Variants in MTG2 observed in about 807,000 individuals in gnomAD.
MTG2 encodes the protein mitochondrial ribosome associated GTPase 2, also known as mitochondrial ribosome-associated GTPase 2.
MTG2 carries 23 observed loss-of-function variants against 28.6 expected under a neutral mutation model. The ratio of observed to expected loss-of-function variants is 0.80; its 90% CI spans 0.58 to 1.14. The LOEUF (loss-of-function observed/expected upper bound fraction) is 1.14. Among genes scored for constraint, MTG2 ranks in the 50% most tolerant of loss-of-function variants. The pLI, the probability that MTG2 is intolerant of heterozygous loss-of-function variation, is 0.00. For synonymous variants in MTG2, 260 were observed against 251.8 expected (o/e 1.03, Z -0.31); for missense variants, 539 against 552.0 (o/e 0.98, Z 0.24).
intron 2 of MTG2, chr20:62,194,203 C>T (rs2058017084): frequency 6.6e-6 from 1 of 152,084 alleles, no homozygotes; most frequent in Non-Finnish European, 1.5e-5. Context: ...TTACCAAAAC[C>T]TCCTATTTAA....
intron 2 of MTG2, among the ~76,000 whole-genome samples, chr20:62,195,158 T>G (rs1310367626): frequency 6.6e-6 from 1 of 152,168 alleles, no homozygotes; most frequent in Non-Finnish European, 1.5e-5. Context: ...ATCCCACCGT[T>G]GCACTCCAGC....
intron 2 of MTG2, among the ~76,000 whole-genome samples, chr20:62,194,596 G>C (rs6062134): frequency 0.11 from 16,742 of 151,888 alleles, 981 homozygotes; most frequent in African/African-American, 0.13. Flanking sequence ...ATTTTTTTTT[G>C]TGTTTAAATT....
At position 62,198,637 on chromosome 20, in the gene MTG2, C is replaced by A. The variant is rs1229665081; in HGVS notation, c.472C>A (p.Pro158Thr). 6.2e-7 allele frequency: 1 copy of A among 1,613,488 alleles called. No individual in the cohort carries two copies. The highest frequency in any genetic ancestry group is 1.7e-5 in the Admixed American group (1 of 59,964). The change falls in exon 5 of 7, where the codon CCC (proline) becomes ACC (threonine). Residue 158 changes from proline (P) to threonine (T), a missense_variant. By Grantham distance (38) the Pro-to-Thr change is conservative (BLOSUM62 -1). Coordinates refer to ENST00000370823, the MANE Select transcript of MTG2 (RefSeq NM_015666.4). ...ATGAGTGCCTGCTGTTCCCCAGGTC[C>A]CCGTGGGCACGCTGGTGAAGGAGGG... ...RSGAVLYIRVPVGTLVKEGGR... is the reference protein window; with the variant it reads ...RSGAVLYIRVTVGTLVKEGGR...
intron 2 of MTG2, among the ~76,000 whole-genome samples, chr20:62,195,203 A>C (rs553818074): frequency 2.6e-5 from 4 of 152,274 alleles, no homozygotes; most frequent in East Asian, 3.9e-4. Context: ...CTCAAAAAAA[A>C]CCACAAAAAA....
rs146666461 is a variant in MTG2 at position 62,200,883 on chromosome 20, G to A, written c.1027G>A (p.Val343Ile). The part of the protein sequence containing the change: ...KGLSARPHAI[V>I]ANKIDLPEAQ... ...CCTGTCTGCGAGGCCCCACGCAATCGTCGCAAACAAGATTGACCTCCCTGA... is the reference window on the plus strand; with the variant it reads ...CCTGTCTGCGAGGCCCCACGCAATCATCGCAAACAAGATTGACCTCCCTGA... Residue 343 changes from valine to isoleucine, a missense_variant, in exon 7 of 7, where the codon GTC becomes ATC. Val to Ile is a conservative substitution (Grantham distance 29). Transcript: ENST00000370823. 33 of 1,613,884 alleles carry A rather than the reference G, an allele frequency of 2.0e-5. No homozygotes were observed. The highest frequency in any genetic ancestry group is 3.3e-4 in the Middle Eastern group (2 of 6,084).
intron 3 of MTG2, among the ~76,000 whole-genome samples, chr20:62,196,571 G>A (rs531823860): frequency 6.6e-6 from 1 of 151,978 alleles, no homozygotes; most frequent in Admixed American, 6.6e-5. Context: ...ACTTGGGGCT[G>A]AAGCAGGAGG....
chr20:62,200,809 G>T lies in MTG2; in HGVS notation c.953G>T (p.Trp318Leu). The change falls in exon 7 of 7, where the codon TGG becomes TTG. Residue 318 changes from tryptophan to leucine, a missense_variant. Physicochemically the swap from Trp to Leu is moderately conservative, Grantham distance 61. Transcript: ENST00000370823. ...GTGGATCTTTCTCAGCCTGAGCCGT[G>T]GACTCAAGTTGACGATTTAAAATAT... ...FVVDLSQPEP[W>L]TQVDDLKYEL... is the part of the protein sequence containing the mutation. 3 of 1,613,916 alleles carry T rather than the reference G, an allele frequency of 1.9e-6. No homozygotes were observed. Among genetic ancestry groups the T allele is most frequent in the Non-Finnish European group, 1.7e-6 (2 of 1,180,038 alleles).
chr20:62,190,289 A>G (rs2057930774), intron 1 of MTG2, among the ~76,000 whole-genome samples: 1 of 152,150 alleles, frequency 6.6e-6, no homozygotes, highest in South Asian at 2.1e-4. Flanking sequence ...GTTGCCTTTC[A>G]TGTGGATTAC....
In MTG2 at chr20:62,199,241, C is replaced by T. The variant is rs796946456; in HGVS notation, c.810C>T (p.Gly270=). The T allele has an allele frequency of 1.2e-6, 2 of 1,613,378 alleles. No homozygotes were observed. Among genetic ancestry groups the T allele is most frequent in the Non-Finnish European group, 1.7e-6 (2 of 1,179,382 alleles). Residue 270 remains glycine (G), a synonymous_variant, in exon 6 of 7, where the codon GGC becomes GGT. Coordinates refer to ENST00000370823, the MANE Select transcript of MTG2 (RefSeq NM_015666.4). The part of the protein sequence containing the change: ...KPHVGIVHYE[G]HLQIAVADIP... ...ACGTCGGGATCGTCCACTACGAAGG[C>T]CACCTACAAATAGCAGGTAGAACTT...
rs1568796076 is a variant in MTG2, at chr20:62,202,458, C to G, written c.*1381C>G. 1 of 142,400 alleles carries G rather than the reference C, an allele frequency of 7.0e-6. No individual in the cohort carries two copies. The highest frequency in any genetic ancestry group is 2.6e-5 in the African/African-American group (1 of 37,914). 8.8% of individuals were successfully genotyped at this position (142,400 alleles called of 1,614,324 possible). ...CTCAAAAAACAAACAAACAAACAAA[C>G]AAAAACAGAACATTCTGGGCACGGT... On this transcript the variant is annotated 3_prime_UTR_variant, in exon 7 of 7. Coordinates refer to ENST00000370823, the MANE Select transcript of MTG2 (RefSeq NM_015666.4).
intron 1 of MTG2, among the ~76,000 whole-genome samples, chr20:62,191,831 C>T (rs1294307546): frequency 6.6e-6 from 1 of 152,196 alleles, no homozygotes; most frequent in East Asian, 1.9e-4. Flanking sequence ...GGGCTGTCCT[C>T]TCCTGGAGGG....
At chr20:62,185,871 C>T (rs2057832856) in intron 1 of MTG2, among the ~76,000 whole-genome samples, 1 of 152,176 alleles carries the variant, frequency 6.6e-6, no homozygotes, top group African/African-American at 2.4e-5. Flanking sequence ...AGCGTGAAAA[C>T]AGTGGGATTT....
Position 62,187,445 on chromosome 20 carries a change from C to T in MTG2, c.-6+4388C>T, listed in dbSNP as rs542521194. 7.2e-5 allele frequency among the ~76,000 whole-genome samples: 11 copies of T among 152,226 alleles called. No homozygotes were observed. The East Asian group carries it at 1.9e-3, about 27-fold the overall frequency. ...TCCTGGAATGTTACATGGAATTTAC[C>T]AGGAAAACAAGCCGAGCTAGAGTTT... On this transcript the variant is annotated intron_variant, in intron 1 of 6. Coordinates refer to ENST00000370823, the MANE Select transcript of MTG2 (RefSeq NM_015666.4).
At chr20:62,189,058 C>T (rs1346245719) in intron 1 of MTG2, among the ~76,000 whole-genome samples, 1 of 152,144 alleles carries the variant, frequency 6.6e-6, no homozygotes, top group Non-Finnish European at 1.5e-5. Context: ...TGTGGTGGCT[C>T]ATGCTTGTAA....
intron 1 of MTG2, among the ~76,000 whole-genome samples, chr20:62,185,366 C>T (rs1158273680): frequency 1.3e-5 from 2 of 152,030 alleles, no homozygotes; most frequent in Non-Finnish European, 2.9e-5. Context: ...GAGCTGAGAT[C>T]ATGCCACTGC....
intron 1 of MTG2, chr20:62,188,913 AACAGTGT>A (rs1661504120): frequency 6.6e-6 from 1 of 152,182 alleles, no homozygotes; most frequent in South Asian, 2.1e-4. Context: ...TGTACCTGAA[AACAGTGT>A]ATATTGTACA....
At chr20:62,194,075 A>G (rs533659324) in intron 2 of MTG2, 1 of 146,736 alleles carries the variant, frequency 6.8e-6, no homozygotes, top group Non-Finnish European at 1.5e-5. Context: ...CCCTGTCTCT[A>G]CTAAAAAAAA....
intron 1 of MTG2, among the ~76,000 whole-genome samples, chr20:62,193,141 C>G (rs1321141374): frequency 1.3e-5 from 2 of 152,116 alleles, no homozygotes; most frequent in Non-Finnish European, 2.9e-5. Context: ...CTTGCTATTC[C>G]ATAAGAGGAT....
At chr20:62,186,992 T>C (rs1041803977) in intron 1 of MTG2, among the ~76,000 whole-genome samples, 1 of 152,234 alleles carries the variant, frequency 6.6e-6, no homozygotes, top group African/African-American at 2.4e-5. Context: ...AACCATTCAG[T>C]ATTTCTTCAT....
Sources: gnomAD v4.1 joint callset for allele counts (sites outside exome capture counted in the v4.1 genomes callset) on GRCh38, gnomAD v4.1.1 for gene constraint, MANE v1.5 for transcripts, NCBI Gene and HGNC (gene_info 2026-07-23, HGNC 2026-07-21) for gene names.